ABHD16A: variants seen among roughly 807,000 people sequenced by gnomAD.
ABHD16A encodes the protein phosphatidylserine lipase ABHD16A.
Under a neutral mutation model 89.8 loss-of-function variants are expected in ABHD16A, and 47 were observed. The observed-to-expected ratio is 0.52, with a 90% CI of 0.41 to 0.67. The LOEUF (loss-of-function observed/expected upper bound fraction) is 0.67, where lower values mean the gene tolerates loss of function less well. ABHD16A is among the 30% of genes least tolerant of loss of function. ABHD16A has a pLI of 0.00. For missense variants in ABHD16A, 580 were observed against 734.6 expected, an observed-to-expected ratio of 0.79 and a Z score of 2.43; for synonymous variants, 251 against 280.4, an observed-to-expected ratio of 0.90 and a Z score of 1.05.
rs775255848 is a variant in ABHD16A at position 31,701,141 on chromosome 6, A to C, written c.257-113T>G. On this transcript the variant is annotated intron_variant, in intron 3 of 19. Coordinates refer to ENST00000395952, the MANE Select transcript of ABHD16A (RefSeq NM_021160.3). ...TCCCTGTTTGGAACAGCCATACCCT[A>C]AGAGGAAGAAGATGCCTGATGGAAG... 11 of 1,312,198 alleles carry C rather than the reference A, an allele frequency of 8.4e-6. No individual in the cohort carries two copies. In the South Asian group the frequency reaches 1.3e-4, roughly 16 times the overall value. 81.3% of individuals were successfully genotyped at this position (1,312,198 alleles called of 1,614,324 possible).
At position 31,698,538 on chromosome 6, in the gene ABHD16A, T is replaced by G. The variant is rs1221679831; in HGVS notation, c.344-1505A>C. Among the ~76,000 whole-genome samples the G allele has an allele frequency of 6.6e-6, 1 of 151,770 alleles. No individual in the cohort carries two copies. The highest frequency in any genetic ancestry group is 1.5e-5 in the Non-Finnish European group (1 of 67,988). On this transcript the variant is annotated intron_variant, in intron 4 of 19. Coordinates refer to ENST00000395952, the MANE Select transcript of ABHD16A (RefSeq NM_021160.3). This position sits in a 1 kb window ranked among gnomAD's most constrained non-coding sequence, Gnocchi z 4.1. ...TTTGCTCTTGTTGCCCAGGCGGGAG[T>G]GCAATGATGTGCTCTCGGCTCACTG...
At chr6:31,689,253 A>G (rs1006586195) in intron 12 of ABHD16A, 134 bp from the exon 13 acceptor site, 8 of 855,594 alleles carry the variant, frequency 9.4e-6, no homozygotes, top group Non-Finnish European at 1.4e-5. Context: ...TTCTTAACCT[A>G]CTTCACTTGG....
In ABHD16A at chr6:31,698,647, A is replaced by C. The variant is rs9267539; in HGVS notation, c.344-1614T>G. 0.072 allele frequency among the ~76,000 whole-genome samples: 11,028 copies of C among 152,178 alleles called. 526 individuals are homozygous for C. Among genetic ancestry groups the C allele is most frequent in the Non-Finnish European group, 0.11 (7,308 of 67,988 alleles). ...ATTACAAGCGCCCGCCACCATGCAC[A>C]GCTAATTTTTTCTGTATTTTTTCTA... On this transcript the variant is annotated intron_variant, in intron 4 of 19. Transcript: ENST00000395952. This position sits in a 1 kb window ranked among gnomAD's most constrained non-coding sequence, Gnocchi z 4.1.
rs561978809 is a variant in ABHD16A, at chr6:31,691,573, T to A, written c.843+6A>T. 7 of 1,612,820 alleles carry A rather than the reference T, an allele frequency of 4.3e-6. No individual in the cohort carries two copies. In the East Asian group the frequency reaches 1.6e-4, roughly 36 times the overall value. On this transcript the variant is annotated splice_donor_region_variant and intron_variant, in intron 9 of 19. Coordinates refer to ENST00000395952, the MANE Select transcript of ABHD16A (RefSeq NM_021160.3). ...CCCCACCTCTGGGCTCTCTGCTCCC[T>A]CTTACCAGCTTCTGTCCCTGGGGCT...
Position 31,690,708 on chromosome 6 carries a change from G to T in ABHD16A, c.844-106C>A, listed in dbSNP as rs914927487. 5.0e-6 allele frequency: 5 copies of T among 1,008,724 alleles called. No homozygotes were observed. The highest frequency in any genetic ancestry group is 1.9e-5 in the Admixed American group (1 of 53,990). The allele number at this position is 1,008,724 out of a possible 1,614,324, so 62.5% of individuals were successfully genotyped here. A position where few individuals can be genotyped will look rare whatever the true frequency, so the allele number is the denominator to read the frequency against. ...GAAGAGCTTTGCAGGGAAGAGGAAA[G>T]GGCAGGTTTCTGTTTTCTCCAAGGG... On this transcript the variant is annotated intron_variant, in intron 9 of 19. Coordinates refer to ENST00000395952, the MANE Select transcript of ABHD16A (RefSeq NM_021160.3). This position sits in a 1 kb window ranked among gnomAD's most constrained non-coding sequence, Gnocchi z 4.1.
chr6:31,688,170 T>C lies in ABHD16A; in HGVS notation c.1308-67A>G, dbSNP rs1427258420. 152 of 1,605,572 alleles carry C rather than the reference T, an allele frequency of 9.5e-5. No individual in the cohort carries two copies. The highest frequency in any genetic ancestry group is 1.3e-4 in the Non-Finnish European group (148 of 1,173,678). ...GGAGGAAGGGTCTAGATACCCAGGT[T>C]TCTGGTGGGCAGAGGTAGAAGGGAC... On this transcript the variant is annotated intron_variant, in intron 15 of 19. Coordinates refer to ENST00000395952, the MANE Select transcript of ABHD16A (RefSeq NM_021160.3). This position sits in a 1 kb window ranked among gnomAD's most constrained non-coding sequence, Gnocchi z 4.9.
Position 31,689,647 on chromosome 6 carries a change from T to C in ABHD16A, c.1015A>G (p.Ile339Val), listed in dbSNP as rs769915138. The change falls in exon 12 of 20, where the codon ATC becomes GTC. Residue 339 changes from isoleucine to valine, a missense_variant. Coordinates refer to ENST00000395952, the MANE Select transcript of ABHD16A (RefSeq NM_021160.3). ...TGGGGCTGGAAGCCTAGGCGGTGGA[T>C]GGCAAACTGGACCACCACATCCATG... ...NAMDVVVQFA[I>V]HRLGFQPQDI... The C allele has an allele frequency of 1.9e-6, 3 of 1,612,496 alleles. No homozygotes were observed. In the South Asian group the frequency reaches 3.3e-5, roughly 18 times the overall value.
At chr6:31,702,053 C>T in intron 2 of ABHD16A, 21 bp downstream of exon 2, 1 of 1,613,010 alleles carries the variant, frequency 6.2e-7, no homozygotes, top group Non-Finnish European at 8.5e-7. Flanking sequence ...TGCAGAGTCC[C>T]AGATGCCAGG....
At chr6:31,692,748 C>CCCCCCCCCCCCCCA in intron 7 of ABHD16A, 1 of 281,048 alleles carries the variant, frequency 3.6e-6, no homozygotes, top group South Asian at 3.6e-5. Context: ...CCTCCCCACC[C>CCCCCCCCCCCCCCA]CCACCCCACC....
In ABHD16A at chr6:31,691,892, C is replaced by T. The variant is rs780015445; in HGVS notation, c.653G>A (p.Arg218His). 9.3e-6 allele frequency: 15 copies of T among 1,610,054 alleles called. No homozygotes were observed. Among genetic ancestry groups the T allele is most frequent in the African/African-American group, 1.3e-5 (1 of 74,854 alleles). ...TSYLVAHTLGRRMLYPGSVYL... is the reference protein window; with the variant it reads ...TSYLVAHTLGHRMLYPGSVYL... ...CACAGAGCCTGGATACAGCATCCGG[C>T]GCCCTAGGGTGTGCGCCACCAGGTA... Residue 218 changes from arginine to histidine, a missense_variant, in exon 8 of 20, where the codon CGC (arginine) becomes CAC (histidine). By Grantham distance (29) the Arg-to-His change is conservative (BLOSUM62 0). Coordinates refer to ENST00000395952, the MANE Select transcript of ABHD16A (RefSeq NM_021160.3).
chr6:31,701,429 T>C, intron 2 of ABHD16A, 89 bp from the exon 3 acceptor site: 3 of 1,091,986 alleles, frequency 2.7e-6, no homozygotes, highest in East Asian at 2.4e-5. Flanking sequence ...CTGAGCAAGA[T>C]GGACAACCTG....
Position 31,701,046 on chromosome 6 carries a change from C to G in ABHD16A, c.257-18G>C. ...CAAGTAACCTGGGAAGGGAGAGGGA[C>G]AATGTGAGACCCTCTCCGCAATGTC... On this transcript the variant is annotated intron_variant, in intron 3 of 19. Transcript: ENST00000395952. 6.3e-7 allele frequency: 1 copy of G among 1,591,832 alleles called. No homozygotes were observed. Among genetic ancestry groups the G allele is most frequent in the Non-Finnish European group, 8.6e-7 (1 of 1,160,110 alleles).
At chr6:31,692,689 G>A (rs373622252) in intron 7 of ABHD16A, 2 of 339,476 alleles carry the variant, frequency 5.9e-6, no homozygotes, top group South Asian at 3.4e-5. Context: ...GAGGGGCCAC[G>A]ATGGGTACAC....
rs1803388933 is a variant in ABHD16A at position 31,687,325 on chromosome 6, A to G, written c.1594-30T>C. 1.2e-6 allele frequency: 2 copies of G among 1,610,458 alleles called. No individual in the cohort carries two copies. The highest frequency in any genetic ancestry group is 1.7e-6 in the Non-Finnish European group (2 of 1,177,966). ...GGAAAGGAGGTGGGACAGGTGGGGT[A>G]CAGAGCACTGTTGGGAGGGGCAGCC... is the stretch of plus-strand genomic sequence containing the variant. On this transcript the variant is annotated intron_variant, in intron 19 of 19. Coordinates refer to ENST00000395952, the MANE Select transcript of ABHD16A (RefSeq NM_021160.3). This position sits in a 1 kb window ranked among gnomAD's most constrained non-coding sequence, Gnocchi z 6.3.
intron 7 of ABHD16A, chr6:31,692,138 G>C (rs1803947620): frequency 1.9e-6 from 1 of 524,802 alleles, no homozygotes; most frequent in Non-Finnish European, 3.4e-6. Flanking sequence ...TTTATATTGT[G>C]GCTCAGTGCA....
At chr6:31,692,877 A>C in intron 7 of ABHD16A, 150 bp downstream of exon 7, 1 of 1,069,688 alleles carries the variant, frequency 9.3e-7, no homozygotes, top group Non-Finnish European at 1.4e-6. Flanking sequence ...AAATATGGAT[A>C]AAAATGACTT....
intron 7 of ABHD16A, 120 bp from the exon 8 acceptor site, chr6:31,692,038 C>T (rs2039299556): frequency 1.4e-6 from 1 of 734,438 alleles, no homozygotes; most frequent in Non-Finnish European, 2.2e-6. Context: ...ACCTTCACAG[C>T]TTTACTTTCC....
rs752984962 is a variant in ABHD16A at position 31,693,932 on chromosome 6, G to A, written c.430-500C>T. 2.6e-5 allele frequency among the ~76,000 whole-genome samples: 4 copies of A among 152,178 alleles called. No homozygotes were observed. The highest frequency in any genetic ancestry group is 5.9e-5 in the Non-Finnish European group (4 of 68,022). On this transcript the variant is annotated intron_variant, in intron 5 of 19. Coordinates refer to ENST00000395952, the MANE Select transcript of ABHD16A (RefSeq NM_021160.3). The surrounding 1 kb of genome is among the most constrained non-coding windows in gnomAD (Gnocchi z 5.0). ...GCTCCTCTGCCATGTGGGGCCACCCGTTGAAGGAAGCTCTGACTTCCATCC... is the reference window on the plus strand; with the variant it reads ...GCTCCTCTGCCATGTGGGGCCACCCATTGAAGGAAGCTCTGACTTCCATCC...
Position 31,693,712 on chromosome 6 carries a change from T to C in ABHD16A, c.430-280A>G, listed in dbSNP as rs805281. On this transcript the variant is annotated intron_variant, in intron 5 of 19. Transcript: ENST00000395952. This position sits in a 1 kb window ranked among gnomAD's most constrained non-coding sequence, Gnocchi z 5.0. Reference sequence around the variant, plus strand: ...TTTCTAAAAAACTAAGTCTGACCCATCCCCAGGAGGAGTGGCTGAAGGTGC... The same window carrying C: ...TTTCTAAAAAACTAAGTCTGACCCACCCCCAGGAGGAGTGGCTGAAGGTGC... Among the ~76,000 whole-genome samples, 57,236 of 152,072 alleles carry C rather than the reference T, an allele frequency of 0.38. 11,857 individuals carry two copies. Among genetic ancestry groups the C allele is most frequent in the African/African-American group, 0.55 (22,986 of 41,464 alleles).
Sources: gnomAD v4.1 joint callset for allele counts (sites outside exome capture counted in the v4.1 genomes callset) on GRCh38, gnomAD v4.1.1 for gene constraint, Gnocchi (gnomAD v3.1) non-coding constraint, MANE v1.5 for transcripts, NCBI Gene and HGNC (gene_info 2026-07-23, HGNC 2026-07-21) for gene names.